The following EXOSC10 variants were observed in gnomAD, a reference collection of about 807,000 sequenced individuals.
The protein encoded by EXOSC10 is exosome component 10.
A neutral mutation model predicts 126.6 loss-of-function variants in EXOSC10; 94 were observed. That is an observed-to-expected ratio of 0.74 (90% CI 0.63 to 0.88). The LOEUF is 0.88. Ranked by LOEUF, EXOSC10 falls within the 40% of genes least tolerant of loss-of-function variation. The pLI, the probability that EXOSC10 is intolerant of heterozygous loss-of-function variation, is 0.00. For synonymous variants in EXOSC10, 395 were observed against 400.8 expected, an observed-to-expected ratio of 0.99 and a Z score of 0.17; for missense variants, 1,041 against 1,100.5, an observed-to-expected ratio of 0.95 and a Z score of 0.77.
At chr1:11,074,098 C>A in intron 18 of EXOSC10, 90 bp from the exon 19 acceptor site, 1 of 1,423,726 alleles carries the variant, frequency 7.0e-7, no homozygotes, top group South Asian at 1.1e-5. Flanking sequence ...GTTGCTGGTG[C>A]CTTGTCAGCG....
rs779494838 is a variant in EXOSC10 at position 11,099,673 on chromosome 1, C to T, written c.111+48G>A. 12 of 1,528,436 alleles carry T rather than the reference C, an allele frequency of 7.9e-6. No individual in the cohort carries two copies. The South Asian group carries it at 1.0e-4, about 13-fold the overall frequency. 94.7% of individuals were successfully genotyped at this position (1,528,436 alleles called of 1,614,324 possible). ...CTGCCCAGAGGGCCCAGTCGGCTTC[C>T]GGCGGCCGCGGGCGACTCCTGGTAC... On this transcript the variant is annotated intron_variant, in intron 1 of 24. Coordinates refer to ENST00000376936, the MANE Select transcript of EXOSC10 (RefSeq NM_001001998.3).
chr1:11,085,750 T>C (rs1409501104), intron 9 of EXOSC10, among the ~76,000 whole-genome samples: 1 of 151,564 alleles, frequency 6.6e-6, no homozygotes, highest in East Asian at 1.9e-4. Flanking sequence ...TGATATTGGC[T>C]GTGGGTTTGT....
chr1:11,090,803 G>GCACAGCCTGGTGCT, intron 5 of EXOSC10, 135 bp from the exon 6 acceptor site: 1 of 817,202 alleles, frequency 1.2e-6, no homozygotes. Flanking sequence ...CCAGGCTGAA[G>GCACAGCCTGGTGCT]TGTGGTGGCA....
intron 24 of EXOSC10, 65 bp downstream of exon 24, chr1:11,067,943 C>T (rs959810336): frequency 8.7e-5 from 123 of 1,416,766 alleles, no homozygotes; most frequent in South Asian, 4.1e-4. Flanking sequence ...CCCCACGGAC[C>T]ACACCACGCA....
rs777048175 is a variant in EXOSC10 at position 11,098,031 on chromosome 1, C to T, written c.237G>A (p.Arg79=). 6.8e-6 allele frequency: 11 copies of T among 1,609,022 alleles called. No individual in the cohort carries two copies. Among genetic ancestry groups the T allele is most frequent in the Non-Finnish European group, 6.8e-6 (8 of 1,178,414 alleles). The change falls in exon 2 of 25, where the codon AGG becomes AGA. Residue 79 remains arginine (R), a synonymous_variant. Coordinates refer to ENST00000376936, the MANE Select transcript of EXOSC10 (RefSeq NM_001001998.3). The stretch of plus-strand genomic sequence containing the variant: ...AGTACAGTACTTACCACTGAAGCAA[C>T]CTGTCTCCCTGTGTTTCGCAAAATG... The part of the protein sequence containing the change: ...FQAFCETQGD[R]LLQCMSRVMQ...
chr1:11,069,978 A>G (rs530464687), intron 21 of EXOSC10, among the ~76,000 whole-genome samples: 4 of 152,282 alleles, frequency 2.6e-5, no homozygotes, highest in Admixed American at 6.5e-5. Flanking sequence ...GCTCATGCCT[A>G]TAATTCCAGT....
intron 3 of EXOSC10, among the ~76,000 whole-genome samples, chr1:11,092,991 G>A (rs1323091581): frequency 1.3e-5 from 2 of 152,202 alleles, no homozygotes; most frequent in Admixed American, 6.5e-5. Context: ...TTTGGTAAGT[G>A]AGGTGTATTA....
chr1:11,071,838 G>A (rs1639515337), intron 20 of EXOSC10: 3 of 431,976 alleles, frequency 6.9e-6, no homozygotes, highest in East Asian at 4.2e-5. Flanking sequence ...CGTCAATGTC[G>A]CATTCATTAG....
chr1:11,091,181 T>A lies in EXOSC10; in HGVS notation c.478-2A>T. 1 of 1,611,652 alleles carries A rather than the reference T, an allele frequency of 6.2e-7. No individual in the cohort carries two copies. ...TGCTTTTTTGCCATATTCTGCTGCC[T>A]ATGATCAATGAATACAAATACTTTA... On this transcript the variant is annotated splice_acceptor_variant, in intron 4 of 24. Coordinates refer to ENST00000376936, the MANE Select transcript of EXOSC10 (RefSeq NM_001001998.3). LOFTEE classifies it high-confidence loss of function.
intron 19 of EXOSC10, among the ~76,000 whole-genome samples, 173 bp downstream of exon 19, chr1:11,073,761 A>G (rs1369769983): frequency 6.6e-6 from 1 of 150,682 alleles, no homozygotes; most frequent in African/African-American, 2.4e-5. Context: ...GGTGCCTGTA[A>G]TCCCAGCTAC....
chr1:11,080,345 A>G (rs1478829512), intron 13 of EXOSC10, among the ~76,000 whole-genome samples, 154 bp downstream of exon 13: 1 of 152,180 alleles, frequency 6.6e-6, no homozygotes, highest in Non-Finnish European at 1.5e-5. Context: ...CTGAGGGCAG[A>G]AATTCTATAT....
chr1:11,090,258 A>G (rs1368711407), intron 6 of EXOSC10, among the ~76,000 whole-genome samples: 1 of 152,164 alleles, frequency 6.6e-6, no homozygotes, highest in African/African-American at 2.4e-5. Flanking sequence ...TCAGCCTCCC[A>G]AAGTGCTGGG....
chr1:11,087,867 G>T lies in EXOSC10; in HGVS notation c.878C>A (p.Ser293Tyr). 2 of 1,613,780 alleles carry T rather than the reference G, an allele frequency of 1.2e-6. No individual in the cohort carries two copies. Among genetic ancestry groups the T allele is most frequent in the Non-Finnish European group, 1.7e-6 (2 of 1,179,812 alleles). ...GTTGAGTTCCACGAGTTCATCCAGG[G>T]AGGATATGAAATGGCATGGTGTCTC... ...IEETPCHFIS[S>Y]LDELVELNEK... The change falls in exon 8 of 25, where the codon TCC (serine) becomes TAC (tyrosine). Residue 293 changes from serine to tyrosine, a missense_variant. By Grantham distance (144) the Ser-to-Tyr change is moderately radical. This residue lies in a region of EXOSC10 where 645 missense variants were observed against 656.3 expected (regional missense o/e 0.98). Transcript: ENST00000376936.
intron 9 of EXOSC10, among the ~76,000 whole-genome samples, chr1:11,083,610 A>C (rs1189252630): frequency 3.4e-5 from 5 of 148,754 alleles, no homozygotes; most frequent in Admixed American, 3.4e-4. Flanking sequence ...GGTTTTTTTT[A>C]AGTTAAAAAA....
chr1:11,085,302 A>G (rs571127253), intron 9 of EXOSC10, among the ~76,000 whole-genome samples: 1 of 151,990 alleles, frequency 6.6e-6, no homozygotes, highest in African/African-American at 2.4e-5. Flanking sequence ...CTTTTATTTC[A>G]TTGAGCAGTG....
At chr1:11,070,006 T>A (rs1455677827) in intron 21 of EXOSC10, among the ~76,000 whole-genome samples, 1 of 151,690 alleles carries the variant, frequency 6.6e-6, no homozygotes, top group Non-Finnish European at 1.5e-5. Flanking sequence ...GCGGCCTAGG[T>A]GGGAGGACTG....
At chr1:11,078,370 G>C (rs1156850615) in intron 14 of EXOSC10, among the ~76,000 whole-genome samples, 2 of 151,190 alleles carry the variant, frequency 1.3e-5, no homozygotes, top group African/African-American at 4.9e-5. Context: ...CCATTCTCCT[G>C]CCTCAGCCTC....
intron 3 of EXOSC10, among the ~76,000 whole-genome samples, chr1:11,093,019 T>C (rs1640887015): frequency 1.3e-5 from 2 of 152,196 alleles, no homozygotes; most frequent in Admixed American, 6.5e-5. Context: ...TTTTGACTTA[T>C]AATATAGGTT....
At chr1:11,088,336 T>C (rs1414473681) in intron 6 of EXOSC10, 138 bp from the exon 7 acceptor site, 2 of 585,454 alleles carry the variant, frequency 3.4e-6, no homozygotes, top group African/African-American at 2.0e-5. Context: ...AAAGAGCTTA[T>C]TTCAGTAATT....
Sources: gnomAD v4.1 joint callset for allele counts (sites outside exome capture counted in the v4.1 genomes callset) on GRCh38, gnomAD v4.1.1 for gene constraint, gnomAD v4.1.1 regional missense constraint, MANE v1.5 for transcripts, NCBI Gene and HGNC (gene_info 2026-07-23, HGNC 2026-07-21) for gene names.